The following ARID1B variants were observed in gnomAD, a reference collection of about 807,000 sequenced individuals.
ARID1B encodes AT-rich interactive domain-containing protein 1B.
In ARID1B, 30 loss-of-function variants were observed where a neutral mutation model predicts 212.3. That is an observed-to-expected ratio of 0.14 (90% CI 0.11 to 0.19). The LOEUF (loss-of-function observed/expected upper bound fraction) is 0.19. Ranked by LOEUF, ARID1B falls within the 10% of genes least tolerant of loss-of-function variation. The probability of loss-of-function intolerance (pLI) is 1.00; values close to 1 mark genes in which losing one functional copy is unlikely to be tolerated. For missense variants in ARID1B, 2,891 were observed against 3,204.0 expected (o/e 0.90, Z 2.36); for synonymous variants, 1,402 against 1,301.7 (o/e 1.08, Z -1.66).
intron 9 of ARID1B, chr6:157,170,162 T>G (rs189040399): frequency 1.3e-5 from 2 of 152,322 alleles, no homozygotes; most frequent in East Asian, 3.9e-4. Context: ...TTTTCATGCA[T>G]GCAAGCTCAA....
At chr6:156,958,157 A>G (rs886634996) in intron 4 of ARID1B, among the ~76,000 whole-genome samples, 1 of 152,166 alleles carries the variant, frequency 6.6e-6, no homozygotes, top group African/African-American at 2.4e-5. Flanking sequence ...TTGTAGTCCA[A>G]TCCATGCCTT....
intron 1 of ARID1B, among the ~76,000 whole-genome samples, chr6:156,821,792 G>A (rs1278896565): frequency 2.0e-5 from 3 of 152,076 alleles, no homozygotes; most frequent in Non-Finnish European, 4.4e-5. Flanking sequence ...TAAATTGAGG[G>A]TTCCATGGTT....
At chr6:157,155,388 T>C (rs753325676) in intron 8 of ARID1B, among the ~76,000 whole-genome samples, 3 of 152,102 alleles carry the variant, frequency 2.0e-5, no homozygotes, top group Non-Finnish European at 2.9e-5. Context: ...GATGCTGGTA[T>C]AAGCACTACT....
At chr6:157,048,639 T>C (rs180757291) in intron 4 of ARID1B, among the ~76,000 whole-genome samples, 72 of 152,304 alleles carry the variant, frequency 4.7e-4, no homozygotes, top group Admixed American at 2.2e-3. Flanking sequence ...TCTGACAGAA[T>C]TGTGGTTGAA....
At chr6:157,142,385 G>A (rs1245768543) in intron 7 of ARID1B, among the ~76,000 whole-genome samples, 1 of 152,130 alleles carries the variant, frequency 6.6e-6, no homozygotes, top group Non-Finnish European at 1.5e-5. Flanking sequence ...CAGCACTTTG[G>A]GAGGCCCGCG....
At chr6:157,195,679 CG>C (rs1562340457) in intron 15 of ARID1B, 2 of 158,196 alleles carry the variant, frequency 1.3e-5, no homozygotes. Context: ...GCTGGATCTT[CG>C]GGGCCATCTT....
chr6:157,170,657 C>T (rs889987205), intron 9 of ARID1B, among the ~76,000 whole-genome samples: 2 of 152,304 alleles, frequency 1.3e-5, no homozygotes, highest in East Asian at 1.9e-4. Flanking sequence ...TGGAAAGCCA[C>T]CCAGCATGGC....
chr6:156,920,621 A>G (rs1168989249), intron 3 of ARID1B, among the ~76,000 whole-genome samples: 1 of 152,184 alleles, frequency 6.6e-6, no homozygotes, highest in East Asian at 1.9e-4. Context: ...AGCATTTGCT[A>G]ATGTGGGCAG....
chr6:156,803,093 G>A (rs538570992), intron 1 of ARID1B, among the ~76,000 whole-genome samples: 1 of 151,978 alleles, frequency 6.6e-6, no homozygotes, highest in East Asian at 1.9e-4. Context: ...TACTGCTATA[G>A]CGATAGGTAT....
intron 1 of ARID1B, among the ~76,000 whole-genome samples, chr6:156,824,726 C>T (rs1393728761): frequency 1.3e-5 from 2 of 152,142 alleles, no homozygotes; most frequent in Non-Finnish European, 2.9e-5. Flanking sequence ...GATTGTGCCA[C>T]TGCACTCCAG....
At chr6:157,105,053 G>A (rs1417652816) in intron 5 of ARID1B, among the ~76,000 whole-genome samples, 4 of 152,202 alleles carry the variant, frequency 2.6e-5, no homozygotes, top group African/African-American at 7.2e-5. Flanking sequence ...ATGTGAACAT[G>A]TATTAAATGA....
At chr6:157,006,806 AAGG>A (rs1230551500) in intron 4 of ARID1B, among the ~76,000 whole-genome samples, 2 of 152,254 alleles carry the variant, frequency 1.3e-5, no homozygotes, top group Non-Finnish European at 2.9e-5. Flanking sequence ...AGAATGGAAA[AAGG>A]AGACTTTATT....
chr6:156,820,985 T>G (rs888863270), intron 1 of ARID1B, among the ~76,000 whole-genome samples: 1 of 152,196 alleles, frequency 6.6e-6, no homozygotes, highest in African/African-American at 2.4e-5. Context: ...AGGCTCTGTC[T>G]CCCCTCGCAC....
intron 5 of ARID1B, among the ~76,000 whole-genome samples, chr6:157,104,159 C>A (rs1786299054): frequency 6.6e-6 from 1 of 152,110 alleles, no homozygotes. Flanking sequence ...TTAATATATA[C>A]CATAAACATA....
At chr6:157,066,846 AGTTTTTTAAAATTTCTTTCTCTGGCTT>A (rs1271687894) in intron 4 of ARID1B, among the ~76,000 whole-genome samples, 3 of 152,182 alleles carry the variant, frequency 2.0e-5, no homozygotes, top group African/African-American at 7.2e-5. Flanking sequence ...GATAGAGTAC[AGTTTTTTAAAATTTCTTTCTCTGGCTT>A]GTTTTTTTTT....
intron 5 of ARID1B, among the ~76,000 whole-genome samples, chr6:157,097,212 T>G (rs944024258): frequency 6.6e-5 from 10 of 152,190 alleles, no homozygotes. Flanking sequence ...AGCATATTAT[T>G]TTAGTACATA....
chr6:157,183,169 C>T (rs1209932414), intron 12 of ARID1B, among the ~76,000 whole-genome samples: 2 of 152,172 alleles, frequency 1.3e-5, no homozygotes, highest in Non-Finnish European at 2.9e-5. Flanking sequence ...CAAAGCTCAG[C>T]TCCCAGCCTT....
intron 8 of ARID1B, among the ~76,000 whole-genome samples, chr6:157,152,655 A>G (rs1379029868): frequency 6.6e-6 from 1 of 152,202 alleles, no homozygotes; most frequent in Non-Finnish European, 1.5e-5. Flanking sequence ...AAACATGTGT[A>G]TGACATGTTT....
chr6:157,098,383 A>G (rs1245770457), intron 5 of ARID1B, among the ~76,000 whole-genome samples: 1 of 152,178 alleles, frequency 6.6e-6, no homozygotes, highest in Non-Finnish European at 1.5e-5. Context: ...GCGATGCCAT[A>G]CCCAAATGTG....
Sources: allele counts gnomAD v4.1 joint callset (sites outside exome capture counted in the v4.1 genomes callset), GRCh38; gene constraint gnomAD v4.1.1; transcripts MANE v1.5; gene names NCBI Gene and HGNC (gene_info 2026-07-23, HGNC 2026-07-21).